Variants in FHAD1 observed in about 807,000 individuals in gnomAD.
FHAD1 encodes the protein forkhead associated phosphopeptide binding domain 1, also known as forkhead-associated domain-containing protein 1.
FHAD1 carries 146 observed loss-of-function variants against 191.3 expected under a neutral mutation model. The observed-to-expected ratio is 0.76, with a 90% CI of 0.67 to 0.88. The LOEUF (loss-of-function observed/expected upper bound fraction) is 0.88. Ranked by LOEUF, FHAD1 falls within the 40% of genes least tolerant of loss-of-function variation. FHAD1 has a pLI of 0.00. For synonymous variants in FHAD1, 616 were observed against 672.3 expected, an observed-to-expected ratio of 0.92 and a Z score of 1.29; for missense variants, 1,635 against 1,785.8, an observed-to-expected ratio of 0.92 and a Z score of 1.52.
chr1:15,285,568 T>G (rs931820597), intron 3 of FHAD1, among the ~76,000 whole-genome samples: 1 of 152,058 alleles, frequency 6.6e-6, no homozygotes, highest in African/African-American at 2.4e-5. Flanking sequence ...AATAAAACTT[T>G]TTTTTTTTAA....
At chr1:15,367,006 C>T (rs78649527) in intron 24 of FHAD1, among the ~76,000 whole-genome samples, 120 of 152,326 alleles carry the variant, frequency 7.9e-4, no homozygotes, top group African/African-American at 2.7e-3. Flanking sequence ...TATTTGCTCC[C>T]TGTAGCTATT....
chr1:15,319,990 C>T (rs369575684), intron 10 of FHAD1, among the ~76,000 whole-genome samples: 2 of 152,190 alleles, frequency 1.3e-5, no homozygotes, highest in Non-Finnish European at 2.9e-5. Context: ...GCTCTCTGGG[C>T]TATCAATTTT....
intron 1 of FHAD1, among the ~76,000 whole-genome samples, chr1:15,238,221 T>C (rs1644988965): frequency 8.4e-6 from 1 of 119,100 alleles, no homozygotes; most frequent in Non-Finnish European, 1.6e-5. Context: ...CACTCCAGCC[T>C]GGGCAATAGA....
At chr1:15,246,555 G>C (rs80250518), upstream of FHAD1, among the ~76,000 whole-genome samples, 956 of 147,814 alleles carry the variant, frequency 6.5e-3, 45 homozygotes, top group East Asian at 0.1. Context: ...GCTGACAAGC[G>C]GTTTCTTAAG....
chr1:15,383,129 C>G (rs761368903), intron 31 of FHAD1: 41 of 471,600 alleles, frequency 8.7e-5, no homozygotes, highest in Non-Finnish European at 1.8e-4. Context: ...ATCTCTTTGC[C>G]TCTCTGAGCC....
chr1:15,303,437 T>C (rs545402975), intron 6 of FHAD1, among the ~76,000 whole-genome samples: 17 of 152,360 alleles, frequency 1.1e-4, no homozygotes, highest in Non-Finnish European at 1.9e-4. Context: ...CTTGTCCAGA[T>C]ACAAGGTTAA....
Position 15,341,758 on chromosome 1 carries a change from AAACTCAGCAGT to A in FHAD1, c.2001_2011del (p.Glu667AspfsTer121). 1 of 1,551,150 alleles carries A rather than the reference AAACTCAGCAGT, an allele frequency of 6.4e-7. No individual in the cohort carries two copies. Among genetic ancestry groups the A allele is most frequent in the Non-Finnish European group, 8.7e-7 (1 of 1,146,656 alleles). On this transcript the variant is annotated frameshift_variant, in exon 16 of 34. Coordinates refer to ENST00000688493, the MANE Select transcript of FHAD1 (RefSeq NM_001391957.1). LOFTEE classifies it high-confidence loss of function. ...CAGATCAAGTTCAACAGTTCTCAGG[AAACTCAGCAGT>A]CTTTACTGCAGGAAAAGCTGCGGGA...
At chr1:15,248,579 C>CT (rs1372399549) in intron 1 of FHAD1, among the ~76,000 whole-genome samples, 8,063 of 145,008 alleles carry the variant, frequency 0.056, 701 homozygotes, top group African/African-American at 0.19. Flanking sequence ...AGGAGATGAC[C>CT]TTTTTTTTTT....
At chr1:15,328,489 T>G (rs771140169) in intron 13 of FHAD1, 60 bp downstream of exon 13, 102 of 1,311,952 alleles carry the variant, frequency 7.8e-5, no homozygotes, top group Non-Finnish European at 1.0e-4. Context: ...TGCGGCTTAT[T>G]TGGGAAATTG....
At chr1:15,330,649 A>T (rs1490402642) in intron 14 of FHAD1, among the ~76,000 whole-genome samples, 1 of 152,222 alleles carries the variant, frequency 6.6e-6, no homozygotes, top group East Asian at 1.9e-4. Flanking sequence ...TGCAGGATGC[A>T]TCGGAGTTGT....
At chr1:15,285,388 C>G (rs1662077461) in intron 3 of FHAD1, among the ~76,000 whole-genome samples, 1 of 152,110 alleles carries the variant, frequency 6.6e-6, no homozygotes, top group Admixed American at 6.5e-5. Flanking sequence ...AAAAAATTAG[C>G]TGGGCGTGGT....
At chr1:15,370,778 C>T (rs2102830023) in intron 26 of FHAD1, among the ~76,000 whole-genome samples, 2 of 152,312 alleles carry the variant, frequency 1.3e-5, no homozygotes, top group Middle Eastern at 6.8e-3. Context: ...CCTCAAGGCC[C>T]TGGTTTCCTG....
At position 15,387,904 on chromosome 1, in the gene FHAD1, T is replaced by A. The variant is rs145511112; in HGVS notation, c.4189-147T>A. ...TGTCTCGAATAAAAAAGAAAAAGACTCTCCCGCAGTGATCCCTTATCTTCT... is the reference window on the plus strand; with the variant it reads ...TGTCTCGAATAAAAAAGAAAAAGACACTCCCGCAGTGATCCCTTATCTTCT... On this transcript the variant is annotated intron_variant, in intron 31 of 33. Transcript: ENST00000688493. The A allele has an allele frequency of 1.9e-3, 685 of 360,242 alleles. 1 individual carries two copies. The highest frequency in any genetic ancestry group is 3.2e-3 in the Admixed American group (86 of 26,678). The allele number at this position is 360,242 out of a possible 1,614,324, so 22.3% of individuals were successfully genotyped here. A position where few individuals can be genotyped will look rare whatever the true frequency, so the allele number is the denominator to read the frequency against.
intron 20 of FHAD1, 97 bp downstream of exon 20, chr1:15,353,081 T>G: frequency 9.1e-6 from 8 of 874,354 alleles, no homozygotes; most frequent in Non-Finnish European, 1.4e-5. Context: ...CCTCTCCCCA[T>G]CCCTGGCTGG....
At chr1:15,300,213 T>C (rs1361352629) in intron 5 of FHAD1, among the ~76,000 whole-genome samples, 5 of 152,238 alleles carry the variant, frequency 3.3e-5, no homozygotes, top group African/African-American at 1.2e-4. Context: ...TAACAAATTC[T>C]TCGGCTACGG....
rs557062214 is a variant in FHAD1 at position 15,329,590 on chromosome 1, C to A, written c.1906+49C>A. 1.3e-6 allele frequency: 2 copies of A among 1,504,440 alleles called. No homozygotes were observed. Among genetic ancestry groups the A allele is most frequent in the Non-Finnish European group, 9.0e-7 (1 of 1,105,902 alleles). The allele number at this position is 1,504,440 out of a possible 1,614,324, so 93.2% of individuals were successfully genotyped here. Reference sequence around the variant, plus strand: ...ATGGTTGCATGACTCTAAAATGTCGCGTTGAATCTCAGCATGATGGGACAT... The same window carrying A: ...ATGGTTGCATGACTCTAAAATGTCGAGTTGAATCTCAGCATGATGGGACAT... On this transcript the variant is annotated intron_variant, in intron 14 of 33. Coordinates refer to ENST00000688493, the MANE Select transcript of FHAD1 (RefSeq NM_001391957.1). This position sits in a 1 kb window ranked among gnomAD's most constrained non-coding sequence, Gnocchi z 5.0.
At chr1:15,392,241 G>A (rs1185820116) in intron 33 of FHAD1, among the ~76,000 whole-genome samples, 1 of 152,198 alleles carries the variant, frequency 6.6e-6, no homozygotes, top group Non-Finnish European at 1.5e-5. Context: ...GTGCAAAAAG[G>A]TTTCCTCCAG....
chr1:15,245,889 C>T (rs12049516), upstream of FHAD1, among the ~76,000 whole-genome samples: 18,627 of 152,258 alleles, frequency 0.12, 2,638 homozygotes, highest in African/African-American at 0.33. Context: ...CACGTTTGAG[C>T]ATCTTCACTG....
chr1:15,264,560 G>A (rs1248497473), intron 2 of FHAD1, among the ~76,000 whole-genome samples: 1 of 147,382 alleles, frequency 6.8e-6, no homozygotes, highest in Non-Finnish European at 1.5e-5. Context: ...GTGTGTGTGT[G>A]TGTGTGTGTG....
Sources: gnomAD v4.1 joint callset for allele counts (sites outside exome capture counted in the v4.1 genomes callset) on GRCh38, gnomAD v4.1.1 for gene constraint, Gnocchi (gnomAD v3.1) non-coding constraint, MANE v1.5 for transcripts, NCBI Gene and HGNC (gene_info 2026-07-23, HGNC 2026-07-21) for gene names.